The following LOXL3 variants were observed in gnomAD, a reference collection of about 807,000 sequenced individuals.
LOXL3 encodes the protein lysyl oxidase like 3, also known as lysyl oxidase homolog 3.
A neutral mutation model predicts 91.8 loss-of-function variants in LOXL3; 60 were observed. The observed-to-expected ratio is 0.65, with a 90% CI of 0.53 to 0.81. The LOEUF is 0.81. LOXL3 is among the 30% of genes least tolerant of loss of function. LOXL3 has a pLI of 0.00. For synonymous variants in LOXL3, 355 were observed against 387.6 expected, an observed-to-expected ratio of 0.92 and a Z score of 0.99; for missense variants, 874 against 1,000.4, an observed-to-expected ratio of 0.87 and a Z score of 1.70.
chr2:74,533,547 T>C lies in LOXL3; in HGVS notation c.*59A>G. 6.7e-7 allele frequency: 1 copy of C among 1,500,850 alleles called. No homozygotes were observed. The highest frequency in any genetic ancestry group is 9.2e-7 in the Non-Finnish European group (1 of 1,081,704). 93.0% of individuals were successfully genotyped at this position (1,500,850 alleles called of 1,614,324 possible). On this transcript the variant is annotated 3_prime_UTR_variant, in exon 14 of 14. Coordinates refer to ENST00000264094, the MANE Select transcript of LOXL3 (RefSeq NM_032603.5). Reference sequence around the variant, plus strand: ...GTTTCTTGGTAAGCTCCTGAGGTAATGGCAGCCTCAGACCCCTGCCATTAG... The same window carrying C: ...GTTTCTTGGTAAGCTCCTGAGGTAACGGCAGCCTCAGACCCCTGCCATTAG...
rs753119666 is a variant in LOXL3 at position 74,536,629 on chromosome 2, G to A, written c.912+80C>T. 1 of 1,521,960 alleles carries A rather than the reference G, an allele frequency of 6.6e-7. No homozygotes were observed. Among genetic ancestry groups the A allele is most frequent in the African/African-American group, 1.4e-5 (1 of 73,384 alleles). The allele number at this position is 1,521,960 out of a possible 1,614,324, so 94.3% of individuals were successfully genotyped here. On this transcript the variant is annotated intron_variant, in intron 5 of 13. Transcript: ENST00000264094. The surrounding 1 kb of genome is among the most constrained non-coding windows in gnomAD (Gnocchi z 4.5). Reference sequence around the variant, plus strand: ...GGCTCCTCTCTGTCCTCAAAGGTCAGGGCTGTGCTTAGTCTGGGGTTGCCA... The same window carrying A: ...GGCTCCTCTCTGTCCTCAAAGGTCAAGGCTGTGCTTAGTCTGGGGTTGCCA...
chr2:74,555,597 C>T (rs1463984321), upstream of LOXL3: 3 of 1,614,130 alleles, frequency 1.9e-6, no homozygotes, highest in East Asian at 4.5e-5. This position sits in a 1 kb window ranked among gnomAD's most constrained non-coding sequence, Gnocchi z 6.1. Context: ...ACTCTGGCGC[C>T]TACCGATAAC....
Position 74,549,244 on chromosome 2 carries a change from T to C in LOXL3, c.692+125A>G. The C allele has an allele frequency of 8.8e-7, 1 of 1,132,970 alleles. No individual in the cohort carries two copies. Among genetic ancestry groups the C allele is most frequent in the Non-Finnish European group, 1.2e-6 (1 of 833,562 alleles). The allele number at this position is 1,132,970 out of a possible 1,614,324, so 70.2% of individuals were successfully genotyped here. A position where few individuals can be genotyped will look rare whatever the true frequency, so the allele number is the denominator to read the frequency against. ...CTCCAGCTTTGCAACGGCCTCCATA[T>C]TTTCCCGCGCGTCCCGACCCCCGGG... is the stretch of plus-strand genomic sequence containing the variant. On this transcript the variant is annotated intron_variant, in intron 4 of 13. Transcript: ENST00000264094. This position sits in a 1 kb window ranked among gnomAD's most constrained non-coding sequence, Gnocchi z 5.3.
At chr2:74,538,775 C>G (rs1168115268) in intron 4 of LOXL3, among the ~76,000 whole-genome samples, 1 of 152,206 alleles carries the variant, frequency 6.6e-6, no homozygotes. Flanking sequence ...GCAAATGTAA[C>G]CTCTTACAGG....
chr2:74,553,518 C>T (rs1056385484), intron 1 of LOXL3, among the ~76,000 whole-genome samples: 2 of 152,204 alleles, frequency 1.3e-5, no homozygotes, highest in African/African-American at 4.8e-5. Flanking sequence ...AAGGCCTTCT[C>T]TGCCTAGGGC....
chr2:74,534,224 C>A lies in LOXL3; in HGVS notation c.1952G>T (p.Arg651Leu). The A allele has an allele frequency of 6.2e-7, 1 of 1,614,188 alleles. No individual in the cohort carries two copies. Among genetic ancestry groups the A allele is most frequent in the Non-Finnish European group, 8.5e-7 (1 of 1,180,040 alleles). ...DTECQEDVSK[R>L]YECANFGEQG... ...CTCTCCAAAGTTGGCACACTCATACCGCTTGGAGACATCTGGAGGGATTGG... is the reference window on the plus strand; with the variant it reads ...CTCTCCAAAGTTGGCACACTCATACAGCTTGGAGACATCTGGAGGGATTGG... The change falls in exon 12 of 14, where the codon CGG becomes CTG. Residue 651 changes from arginine to leucine, a missense_variant. Physicochemically the swap from Arg to Leu is moderately radical, Grantham distance 102. Coordinates refer to ENST00000264094, the MANE Select transcript of LOXL3 (RefSeq NM_032603.5).
chr2:74,533,530 G>A lies in LOXL3; in HGVS notation c.*76C>T. The stretch of plus-strand genomic sequence containing the variant: ...TGCGGTTGCTGACATGGGTTTCTTG[G>A]TAAGCTCCTGAGGTAATGGCAGCCT... On this transcript the variant is annotated 3_prime_UTR_variant, in exon 14 of 14. Transcript: ENST00000264094. 7.3e-7 allele frequency: 1 copy of A among 1,363,882 alleles called. No homozygotes were observed. Among genetic ancestry groups the A allele is most frequent in the Non-Finnish European group, 1.0e-6 (1 of 965,298 alleles). The allele number at this position is 1,363,882 out of a possible 1,614,324, so 84.5% of individuals were successfully genotyped here.
intron 4 of LOXL3, among the ~76,000 whole-genome samples, chr2:74,544,106 C>T (rs1456731296): frequency 6.6e-6 from 1 of 152,016 alleles, no homozygotes; most frequent in East Asian, 1.9e-4. Flanking sequence ...GAGTTCAAGA[C>T]CAGCCTGGCG....
Position 74,541,769 on chromosome 2 carries a change from T to TTA in LOXL3, c.693-4843_693-4842dup, listed in dbSNP as rs141836919. On this transcript the variant is annotated intron_variant, in intron 4 of 13. Coordinates refer to ENST00000264094, the MANE Select transcript of LOXL3 (RefSeq NM_032603.5). Reference sequence around the variant, plus strand: ...TTATATCAACAGGTCTTTGTATTATTTATATATATATATACACAAACATAT... The same window carrying TTA: ...TTATATCAACAGGTCTTTGTATTATTTATATATATATATATACACAAACATAT... 3.6e-3 allele frequency among the ~76,000 whole-genome samples: 547 copies of TTA among 150,490 alleles called. 2 individuals are homozygous for TTA. Among genetic ancestry groups the TTA allele is most frequent in the Middle Eastern group, 6.9e-3 (2 of 288 alleles).
rs559191779 is a variant in LOXL3 at position 74,549,130 on chromosome 2, G to T, written c.692+239C>A. 1.0e-5 allele frequency: 4 copies of T among 386,914 alleles called. No individual in the cohort carries two copies. The highest frequency in any genetic ancestry group is 1.8e-5 in the Non-Finnish European group (4 of 222,032). 24.0% of individuals were successfully genotyped at this position (386,914 alleles called of 1,614,324 possible). On this transcript the variant is annotated intron_variant, in intron 4 of 13. Transcript: ENST00000264094. The surrounding 1 kb of genome is among the most constrained non-coding windows in gnomAD (Gnocchi z 5.3). ...GAGGAATCCGCCTGCCCGCCCAGGCGTCGGCCACGAGAGAGCGGGAGCCTC... is the reference window on the plus strand; with the variant it reads ...GAGGAATCCGCCTGCCCGCCCAGGCTTCGGCCACGAGAGAGCGGGAGCCTC...
chr2:74,554,726 A>C (rs766878361), upstream of LOXL3: 29 of 1,597,324 alleles, frequency 1.8e-5, no homozygotes, highest in Non-Finnish European at 2.4e-5. The surrounding 1 kb of genome is among the most constrained non-coding windows in gnomAD (Gnocchi z 4.9). Context: ...CCGCAGGGCC[A>C]GGAAGCGCGG....
In LOXL3 at chr2:74,535,277, C is replaced by A. The variant is rs150575291; in HGVS notation, c.1579+15G>T. 6.2e-7 allele frequency: 1 copy of A among 1,602,328 alleles called. No homozygotes were observed. Among genetic ancestry groups the A allele is most frequent in the Admixed American group, 1.7e-5 (1 of 58,660 alleles). The stretch of plus-strand genomic sequence containing the variant: ...ACTCCCTTCCCTGGCATGCATCACC[C>A]CCTCCTTCACTCACTCTCAGAACAG... On this transcript the variant is annotated intron_variant, in intron 9 of 13. Coordinates refer to ENST00000264094, the MANE Select transcript of LOXL3 (RefSeq NM_032603.5). This position sits in a 1 kb window ranked among gnomAD's most constrained non-coding sequence, Gnocchi z 4.2.
Position 74,549,663 on chromosome 2 carries a change from G to C in LOXL3, c.478-80C>G, listed in dbSNP as rs541606610. 6.7e-7 allele frequency: 1 copy of C among 1,494,640 alleles called. No homozygotes were observed. The highest frequency in any genetic ancestry group is 2.2e-5 in the Admixed American group (1 of 46,316). 92.6% of individuals were successfully genotyped at this position (1,494,640 alleles called of 1,614,324 possible). On this transcript the variant is annotated intron_variant, in intron 3 of 13. Coordinates refer to ENST00000264094, the MANE Select transcript of LOXL3 (RefSeq NM_032603.5). This position sits in a 1 kb window ranked among gnomAD's most constrained non-coding sequence, Gnocchi z 5.3. Reference sequence around the variant, plus strand: ...CCGCCGCCCTTAAGGAACCCTGCTTGGTGTGCCTGCTGTAAACCCAGTGGC... The same window carrying C: ...CCGCCGCCCTTAAGGAACCCTGCTTCGTGTGCCTGCTGTAAACCCAGTGGC...
chr2:74,537,019 G>A, intron 4 of LOXL3, 91 bp from the exon 5 acceptor site: 2 of 960,530 alleles, frequency 2.1e-6, no homozygotes, highest in Admixed American at 2.2e-5. Flanking sequence ...CCTCCACCAT[G>A]CCCCCCACCC....
Position 74,535,377 on chromosome 2 carries a change from G to C in LOXL3, c.1494C>G (p.Ser498=), listed in dbSNP as rs1353793780. 3 of 1,614,052 alleles carry C rather than the reference G, an allele frequency of 1.9e-6. No individual in the cohort carries two copies. Among genetic ancestry groups the C allele is most frequent in the Admixed American group, 1.7e-5 (1 of 60,018 alleles). The part of the protein sequence containing the change: ...SGVRCTGTEL[S]LDQCAHHGTH... ...TGCCATGATGGGCACACTGATCCAG[G>C]GACAGCTCAGTCCCTGTGCAGCGCA... The change falls in exon 9 of 14, where the codon TCC becomes TCG. Residue 498 remains serine (S), a synonymous_variant. Coordinates refer to ENST00000264094, the MANE Select transcript of LOXL3 (RefSeq NM_032603.5). The surrounding 1 kb of genome is among the most constrained non-coding windows in gnomAD (Gnocchi z 4.2).
chr2:74,550,142 C>A, intron 3 of LOXL3, 43 bp downstream of exon 3: 1 of 1,581,758 alleles, frequency 6.3e-7, no homozygotes, highest in East Asian at 2.3e-5. Context: ...GTACTCTCGG[C>A]TATCCTGGGT....
rs1329036090 is a variant in LOXL3 at position 74,535,984 on chromosome 2, A to G, written c.1248+12T>C. The G allele has an allele frequency of 6.4e-7, 1 of 1,556,268 alleles. No homozygotes were observed. The highest frequency in any genetic ancestry group is 1.9e-5 in the Admixed American group (1 of 51,472). On this transcript the variant is annotated intron_variant, in intron 7 of 13. Coordinates refer to ENST00000264094, the MANE Select transcript of LOXL3 (RefSeq NM_032603.5). This position sits in a 1 kb window ranked among gnomAD's most constrained non-coding sequence, Gnocchi z 4.2. ...GAAAGAGACCTCAACCAAGGTAGAG[A>G]GGATGACTGACCCTGGTCTCTGCCC... is the stretch of plus-strand genomic sequence containing the variant.
At chr2:74,540,203 C>A (rs1433946858) in intron 4 of LOXL3, among the ~76,000 whole-genome samples, 1 of 152,148 alleles carries the variant, frequency 6.6e-6, no homozygotes, top group Non-Finnish European at 1.5e-5. Context: ...GGTGGGTGAG[C>A]AGAAGTGAAG....
rs752258744 is a variant in LOXL3 at position 74,532,851 on chromosome 2, G to A, written c.*755C>T. Reference sequence around the variant, plus strand: ...TCTGCGGCCTGGTGATGTGATTTTGGCCATTGGGGAGCAGATGGTACAAAA... The same window carrying A: ...TCTGCGGCCTGGTGATGTGATTTTGACCATTGGGGAGCAGATGGTACAAAA... On this transcript the variant is annotated 3_prime_UTR_variant, in exon 14 of 14. Transcript: ENST00000264094. 68 of 1,613,870 alleles carry A rather than the reference G, an allele frequency of 4.2e-5. No individual in the cohort carries two copies. The highest frequency in any genetic ancestry group is 5.5e-5 in the Non-Finnish European group (65 of 1,179,998).
Sources: gnomAD v4.1 joint callset for allele counts (sites outside exome capture counted in the v4.1 genomes callset) on GRCh38, gnomAD v4.1.1 for gene constraint, Gnocchi (gnomAD v3.1) non-coding constraint, MANE v1.5 for transcripts, NCBI Gene and HGNC (gene_info 2026-07-23, HGNC 2026-07-21) for gene names.